Variants in SPATS2L observed in about 807,000 individuals in gnomAD.
SPATS2L encodes SPATS2-like protein.
SPATS2L carries 30 observed loss-of-function variants against 59.6 expected under a neutral mutation model. The ratio of observed to expected loss-of-function variants is 0.50; its 90% CI spans 0.38 to 0.68. SPATS2L has a LOEUF of 0.68. SPATS2L is among the 30% of genes least tolerant of loss of function. The pLI is 0.00. For missense variants in SPATS2L, 615 were observed against 700.0 expected, an observed-to-expected ratio of 0.88 and a Z score of 1.37; for synonymous variants, 252 against 263.5, an observed-to-expected ratio of 0.96 and a Z score of 0.42.
At chr2:200,398,275 C>T (rs2082417977) in intron 3 of SPATS2L, among the ~76,000 whole-genome samples, 1 of 152,062 alleles carries the variant, frequency 6.6e-6, no homozygotes, top group Non-Finnish European at 1.5e-5. Context: ...TAACAAAATA[C>T]ATATGTATAT....
chr2:200,341,906 G>C (rs915685500), intron 2 of SPATS2L, among the ~76,000 whole-genome samples: 1 of 151,910 alleles, frequency 6.6e-6, no homozygotes, highest in Non-Finnish European at 1.5e-5. Flanking sequence ...TAGCCAGGAT[G>C]GTCTTGATCT....
chr2:200,326,179 A>G (rs565688686), intron 1 of SPATS2L, among the ~76,000 whole-genome samples: 6 of 152,292 alleles, frequency 3.9e-5, no homozygotes, highest in African/African-American at 1.4e-4. Context: ...AGATGCAATC[A>G]TAGCACATAA....
At chr2:200,435,725 TTAG>T (rs1292856195) in intron 6 of SPATS2L, among the ~76,000 whole-genome samples, 4 of 152,174 alleles carry the variant, frequency 2.6e-5, no homozygotes, top group Non-Finnish European at 2.9e-5. Context: ...AGAATATAAA[TTAG>T]TAGTGATTAC....
At chr2:200,365,953 A>C (rs2081256337) in intron 2 of SPATS2L, among the ~76,000 whole-genome samples, 1 of 152,212 alleles carries the variant, frequency 6.6e-6, no homozygotes, top group Non-Finnish European at 1.5e-5. Context: ...ATGCTCAATA[A>C]AATTTTCTTG....
Position 200,478,046 on chromosome 2 carries a change from G to A in SPATS2L, c.*15G>A. The A allele has an allele frequency of 1.3e-6, 2 of 1,525,006 alleles. No homozygotes were observed. The highest frequency in any genetic ancestry group is 1.8e-6 in the Non-Finnish European group (2 of 1,138,230). 94.5% of individuals were successfully genotyped at this position (1,525,006 alleles called of 1,614,324 possible). On this transcript the variant is annotated 3_prime_UTR_variant, in exon 13 of 13. Coordinates refer to ENST00000409140, the MANE Select transcript of SPATS2L (RefSeq NM_001100423.2). ...TGGTGGCCTGAGCTAGGAGGAAAAA[G>A]AGCAGTTTTCACTCAGTTTTGGTTC...
chr2:200,425,822 T>A (rs1414441169), intron 6 of SPATS2L, among the ~76,000 whole-genome samples: 1 of 151,976 alleles, frequency 6.6e-6, no homozygotes, highest in Non-Finnish European at 1.5e-5. Flanking sequence ...TACAACTGAG[T>A]TACCAACATA....
chr2:200,386,838 CCT>C (rs1214379922), intron 2 of SPATS2L, among the ~76,000 whole-genome samples: 2 of 152,114 alleles, frequency 1.3e-5, no homozygotes, highest in African/African-American at 4.8e-5. Flanking sequence ...CCTCCATCCC[CCT>C]CTCATACACA....
chr2:200,353,566 C>A (rs944595147), intron 2 of SPATS2L, among the ~76,000 whole-genome samples: 1 of 152,130 alleles, frequency 6.6e-6, no homozygotes, highest in Non-Finnish European at 1.5e-5. Flanking sequence ...CCATTCCCTA[C>A]CTCCAATAGC....
chr2:200,336,107 C>T (rs1006003431), intron 2 of SPATS2L, among the ~76,000 whole-genome samples: 1 of 152,106 alleles, frequency 6.6e-6, no homozygotes, highest in African/African-American at 2.4e-5. Context: ...AAGTTGAAGA[C>T]AATTTTAATA....
chr2:200,475,948 G>A (rs2087488061), intron 12 of SPATS2L, among the ~76,000 whole-genome samples: 1 of 152,082 alleles, frequency 6.6e-6, no homozygotes, highest in African/African-American at 2.4e-5. Context: ...ATAGACCTTG[G>A]GCAAGTCCCT....
chr2:200,381,104 T>C (rs2081794688), intron 2 of SPATS2L, among the ~76,000 whole-genome samples: 2 of 152,306 alleles, frequency 1.3e-5, no homozygotes, highest in African/African-American at 4.8e-5. Context: ...ATTTAACAGT[T>C]AGGCCACAGA....
At chr2:200,450,351 T>C (rs2106148990) in intron 8 of SPATS2L, among the ~76,000 whole-genome samples, 1 of 152,290 alleles carries the variant, frequency 6.6e-6, no homozygotes, top group East Asian at 1.9e-4. Context: ...CAACTTTCTG[T>C]TTATTTAGCA....
chr2:200,360,053 G>A (rs958421942), intron 2 of SPATS2L, among the ~76,000 whole-genome samples: 1 of 152,132 alleles, frequency 6.6e-6, no homozygotes, highest in African/African-American at 2.4e-5. Flanking sequence ...TAAAGTATGT[G>A]ATATATTAAT....
At chr2:200,377,004 TA>T (rs2105902120) in intron 2 of SPATS2L, among the ~76,000 whole-genome samples, 1 of 152,350 alleles carries the variant, frequency 6.6e-6, no homozygotes, top group South Asian at 2.1e-4. Context: ...TTCTCACCTG[TA>T]AAATGAGGAC....
chr2:200,425,130 C>A (rs996643151), intron 6 of SPATS2L, among the ~76,000 whole-genome samples: 3 of 1,650 alleles, frequency 1.8e-3, no homozygotes, highest in African/African-American at 3.5e-3. Context: ...TTCCCCCCGC[C>A]CCCCCCCCCC....
At chr2:200,336,977 G>T (rs562497769) in intron 2 of SPATS2L, among the ~76,000 whole-genome samples, 1 of 152,098 alleles carries the variant, frequency 6.6e-6, no homozygotes, top group Non-Finnish European at 1.5e-5. Flanking sequence ...AAAGCAGATC[G>T]CTGAAGAGAC....
At chr2:200,306,340 C>T, upstream of SPATS2L, 2 of 1,002,274 alleles carry the variant, frequency 2.0e-6, no homozygotes, top group Non-Finnish European at 2.4e-6. Flanking sequence ...GTGACAAAAT[C>T]TTTCATTAAC....
chr2:200,318,944 C>T (rs1460915388), intron 1 of SPATS2L, among the ~76,000 whole-genome samples: 3 of 152,274 alleles, frequency 2.0e-5, no homozygotes, highest in Middle Eastern at 3.4e-3. Flanking sequence ...AAGCCCATTT[C>T]GATTTGGACT....
chr2:200,479,791 A>G lies in SPATS2L; in HGVS notation c.*1760A>G. 2.5e-6 allele frequency: 1 copy of G among 398,674 alleles called. No individual in the cohort carries two copies. The highest frequency in any genetic ancestry group is 4.4e-6 in the Non-Finnish European group (1 of 226,108). 24.7% of individuals were successfully genotyped at this position (398,674 alleles called of 1,614,324 possible). A position where few individuals can be genotyped will look rare whatever the true frequency, so the allele number is the denominator to read the frequency against. ...GCGGCCCTGAGCAGCTGAGCCTGCAAGCCACGCAAGCATCTGTTTCTTCTT... is the reference window on the plus strand; with the variant it reads ...GCGGCCCTGAGCAGCTGAGCCTGCAGGCCACGCAAGCATCTGTTTCTTCTT... On this transcript the variant is annotated 3_prime_UTR_variant, in exon 13 of 13. Coordinates refer to ENST00000409140, the MANE Select transcript of SPATS2L (RefSeq NM_001100423.2).
Sources: gnomAD v4.1 joint callset for allele counts (sites outside exome capture counted in the v4.1 genomes callset) on GRCh38, gnomAD v4.1.1 for gene constraint, MANE v1.5 for transcripts, NCBI Gene and HGNC (gene_info 2026-07-23, HGNC 2026-07-21) for gene names.